LPP: variants seen among roughly 807,000 people sequenced by gnomAD.
LPP encodes lipoma-preferred partner.
LPP carries 38 observed loss-of-function variants against 60.4 expected under a neutral mutation model. That is an observed-to-expected ratio of 0.63 (90% confidence interval 0.49 to 0.83). The LOEUF is 0.83. LPP is among the 40% of genes least tolerant of loss of function. The pLI is 0.00. For synonymous variants in LPP, 328 were observed against 290.8 expected (o/e 1.13, Z -1.30); for missense variants, 902 against 783.6 (o/e 1.15, Z -1.80).
chr3:188,312,288 AC>A (rs1438647567), intron 2 of LPP, among the ~76,000 whole-genome samples: 1 of 152,172 alleles, frequency 6.6e-6, no homozygotes, highest in African/African-American at 2.4e-5. Flanking sequence ...AATGAGCCGT[AC>A]CCATTTGTAA....
chr3:188,435,522 G>T (rs1303547952), intron 4 of LPP, among the ~76,000 whole-genome samples: 1 of 151,880 alleles, frequency 6.6e-6, no homozygotes, highest in Admixed American at 6.6e-5. Flanking sequence ...GGGGGGAGGG[G>T]GAAAGTAAAT....
chr3:188,551,792 C>T (rs1828201008), intron 6 of LPP, among the ~76,000 whole-genome samples: 1 of 152,090 alleles, frequency 6.6e-6, no homozygotes, highest in African/African-American at 2.4e-5. Context: ...TGTGGACATT[C>T]ACTAATGTAG....
Position 188,785,398 on chromosome 3 carries a change from TTCCATC to T in LPP, c.1410+25117_1410+25122del, listed in dbSNP as rs1741252707. ...ATATATATTCCATCATATATATATA[TTCCATC>T]ATATATATATATTCCATCATATATA... is the stretch of plus-strand genomic sequence containing the variant. On this transcript the variant is annotated intron_variant, in intron 9 of 11. Coordinates refer to ENST00000617246, the MANE Select transcript of LPP (RefSeq NM_001375462.1). Among the ~76,000 whole-genome samples the T allele has an allele frequency of 8.6e-4, 7 of 8,166 alleles. 1 individual carries two copies. Among genetic ancestry groups the T allele is most frequent in the African/African-American group, 4.9e-3 (5 of 1,022 alleles). The allele number at this position is 8,166 out of a possible 152,430, so 5.4% of individuals were successfully genotyped here. A position where few individuals can be genotyped will look rare whatever the true frequency, so the allele number is the denominator to read the frequency against.
chr3:188,456,066 A>G (rs1207687585), intron 4 of LPP, among the ~76,000 whole-genome samples: 1 of 151,946 alleles, frequency 6.6e-6, no homozygotes, highest in South Asian at 2.1e-4. Context: ...CTAATTTTCT[A>G]TTTTTTGTAG....
At chr3:188,804,248 T>C (rs1005397910) in intron 9 of LPP, among the ~76,000 whole-genome samples, 2 of 63,270 alleles carry the variant, frequency 3.2e-5, no homozygotes, top group African/African-American at 1.1e-4. Context: ...CATCTTTATA[T>C]ATATATATAT....
intron 9 of LPP, among the ~76,000 whole-genome samples, chr3:188,844,478 A>G (rs149880907): frequency 6.6e-6 from 1 of 152,402 alleles, no homozygotes; most frequent in Non-Finnish European, 1.5e-5. Flanking sequence ...ACAAAACAGT[A>G]TCTGTCCCTA....
At chr3:188,694,475 G>A (rs1373382366) in intron 7 of LPP, among the ~76,000 whole-genome samples, 1 of 152,130 alleles carries the variant, frequency 6.6e-6, no homozygotes, top group Non-Finnish European at 1.5e-5. Context: ...GGCAGAGGCA[G>A]GTGGATCACC....
At chr3:188,540,308 T>G (rs942633539) in intron 6 of LPP, among the ~76,000 whole-genome samples, 2 of 152,218 alleles carry the variant, frequency 1.3e-5, no homozygotes, top group African/African-American at 4.8e-5. Context: ...CTTTCTTTGC[T>G]TTTGTTATTT....
chr3:188,218,303 T>A (rs1714427036), intron 1 of LPP, among the ~76,000 whole-genome samples: 1 of 152,224 alleles, frequency 6.6e-6, no homozygotes, highest in African/African-American at 2.4e-5. Context: ...ATACTTCATT[T>A]TTCAGGTCTT....
intron 7 of LPP, among the ~76,000 whole-genome samples, chr3:188,674,300 A>G (rs942334596): frequency 1.1e-4 from 17 of 152,108 alleles, no homozygotes; most frequent in African/African-American, 3.9e-4. Flanking sequence ...CTTCAACTCT[A>G]TGTTTCCCAA....
chr3:188,530,807 C>T (rs533935337), intron 6 of LPP, among the ~76,000 whole-genome samples: 34 of 152,286 alleles, frequency 2.2e-4, no homozygotes, highest in African/African-American at 7.0e-4. Context: ...AAACTTATGA[C>T]GTTGTAACAT....
intron 2 of LPP, among the ~76,000 whole-genome samples, chr3:188,265,196 GTTTGTTTTGT>G (rs550816844): frequency 2.0e-5 from 3 of 152,160 alleles, no homozygotes; most frequent in African/African-American, 7.2e-5. Flanking sequence ...TATTGTTGTT[GTTTGTTTTGT>G]TTTGTTTTGT....
chr3:188,854,221 T>C (rs1350796972), intron 9 of LPP, among the ~76,000 whole-genome samples: 2 of 152,258 alleles, frequency 1.3e-5, no homozygotes, highest in East Asian at 3.8e-4. Context: ...ACTCCCTGGC[T>C]GTGCGTTTCA....
chr3:188,420,980 T>A (rs1787638887), intron 4 of LPP, among the ~76,000 whole-genome samples: 3 of 152,140 alleles, frequency 2.0e-5, no homozygotes. Flanking sequence ...GGCATAGAAA[T>A]GAATAGGGCA....
chr3:188,786,771 T>C (rs1742064559), intron 9 of LPP, among the ~76,000 whole-genome samples: 1 of 152,216 alleles, frequency 6.6e-6, no homozygotes, highest in Non-Finnish European at 1.5e-5. Flanking sequence ...GTTGTTGATA[T>C]ATGCAACACC....
chr3:188,594,786 T>C (rs975875508), intron 6 of LPP, among the ~76,000 whole-genome samples: 2 of 152,146 alleles, frequency 1.3e-5, no homozygotes, highest in African/African-American at 2.4e-5. Context: ...AATATAAATA[T>C]ACATGCTCAT....
chr3:188,615,214 G>A (rs935306600), intron 7 of LPP, among the ~76,000 whole-genome samples: 5 of 152,152 alleles, frequency 3.3e-5, no homozygotes, highest in African/African-American at 1.2e-4. Context: ...TCTCTCCCCA[G>A]TATCCTGGAT....
intron 7 of LPP, among the ~76,000 whole-genome samples, chr3:188,626,622 C>T (rs1846895018): frequency 1.3e-5 from 2 of 152,152 alleles, no homozygotes; most frequent in South Asian, 4.1e-4. Flanking sequence ...TGTGTCCTCA[C>T]ATGGTCTTTC....
At position 188,352,379 on chromosome 3, in the gene LPP, T is replaced by C. The variant is rs1766119518; in HGVS notation, c.-10+10660T>C. On this transcript the variant is annotated intron_variant, in intron 3 of 11. Transcript: ENST00000617246. This position sits in a 1 kb window ranked among gnomAD's most constrained non-coding sequence, Gnocchi z 4.4. ...TGTTGCCATGACACTCCTTGGGCTC[T>C]GTTTAGATCAGCTATTTTCTGAAGG... is the stretch of plus-strand genomic sequence containing the variant. Among the ~76,000 whole-genome samples the C allele has an allele frequency of 6.6e-6, 1 of 152,212 alleles. No homozygotes were observed. The highest frequency in any genetic ancestry group is 2.1e-4 in the South Asian group (1 of 4,832).
Sources: allele counts gnomAD v4.1 joint callset (sites outside exome capture counted in the v4.1 genomes callset), GRCh38; gene constraint gnomAD v4.1.1; non-coding constraint Gnocchi (gnomAD v3.1); transcripts MANE v1.5; gene names NCBI Gene and HGNC (gene_info 2026-07-23, HGNC 2026-07-21).